HIPK3: variants seen among roughly 807,000 people sequenced by gnomAD.
HIPK3 encodes the protein homeodomain-interacting protein kinase 3.
Under a neutral mutation model 124.2 loss-of-function variants are expected in HIPK3, and 47 were observed. The observed-to-expected ratio is 0.38, with a 90% CI of 0.30 to 0.48. HIPK3 has a LOEUF of 0.48. Among genes scored for constraint, HIPK3 ranks in the 20% least tolerant of loss-of-function variants. The pLI, the probability that HIPK3 is intolerant of heterozygous loss-of-function variation, is 0.98. For synonymous variants in HIPK3, 482 were observed against 515.2 expected (o/e 0.94, Z 0.87); for missense variants, 1,286 against 1,454.3 (o/e 0.88, Z 1.88).
chr11:33,340,276 A>G (rs1188986741), intron 6 of HIPK3, among the ~76,000 whole-genome samples: 2 of 152,166 alleles, frequency 1.3e-5, no homozygotes, highest in South Asian at 2.1e-4. Context: ...GGGTTTCACC[A>G]TGTCACCCAG....
intron 1 of HIPK3, among the ~76,000 whole-genome samples, chr11:33,273,155 T>G (rs1851181267): frequency 6.6e-6 from 1 of 151,942 alleles, no homozygotes; most frequent in African/African-American, 2.4e-5. Flanking sequence ...CATCCTCAGT[T>G]GACAAGATAT....
rs1236819012 is a variant in HIPK3 at position 33,347,907 on chromosome 11, A to G, written c.2200A>G (p.Thr734Ala). 1 of 1,614,190 alleles carries G rather than the reference A, an allele frequency of 6.2e-7. No homozygotes were observed. The highest frequency in any genetic ancestry group is 1.1e-5 in the South Asian group (1 of 91,086). The change falls in exon 11 of 17, where the codon ACC becomes GCC. Residue 734 changes from threonine (T) to alanine (A), a missense_variant. By Grantham distance (58) the Thr-to-Ala change is moderately conservative. Coordinates refer to ENST00000303296, the MANE Select transcript of HIPK3 (RefSeq NM_005734.5). ...YNSVMPQPLL[T>A]NQITLSAPQP... ...CTCAGTGATGCCGCAGCCTCTTCTGACCAATCAGATAACTTTATCTGCCCC... is the reference window on the plus strand; with the variant it reads ...CTCAGTGATGCCGCAGCCTCTTCTGGCCAATCAGATAACTTTATCTGCCCC...
chr11:33,300,043 A>T (rs1334848527), intron 2 of HIPK3, among the ~76,000 whole-genome samples: 1 of 145,654 alleles, frequency 6.9e-6, no homozygotes, highest in Non-Finnish European at 1.5e-5. Flanking sequence ...AAAAAAAAAA[A>T]AGAAAGAAAG....
intron 14 of HIPK3, 127 bp downstream of exon 14, chr11:33,349,414 G>T: frequency 1.4e-6 from 1 of 714,120 alleles, no homozygotes; most frequent in South Asian, 2.2e-5. Flanking sequence ...CACAATTTTT[G>T]AACTAGATCA....
intron 2 of HIPK3, among the ~76,000 whole-genome samples, chr11:33,321,511 G>T (rs2133958365): frequency 6.6e-6 from 1 of 152,338 alleles, no homozygotes; most frequent in East Asian, 1.9e-4. Flanking sequence ...ATGTACTTCA[G>T]TAGGTGAGCA....
intron 2 of HIPK3, among the ~76,000 whole-genome samples, chr11:33,289,246 C>T (rs1323374348): frequency 7.9e-5 from 12 of 151,890 alleles, no homozygotes; most frequent in Non-Finnish European, 1.8e-4. Context: ...TTAAGATCAG[C>T]CTGGGCAACA....
At chr11:33,307,449 A>T (rs1352507582) in intron 2 of HIPK3, among the ~76,000 whole-genome samples, 3 of 141,342 alleles carry the variant, frequency 2.1e-5, no homozygotes, top group East Asian at 4.2e-4. Flanking sequence ...CCCAGGCTGG[A>T]GTGCAGTGGC....
chr11:33,290,366 A>G (rs1851666346), intron 2 of HIPK3, among the ~76,000 whole-genome samples: 1 of 151,812 alleles, frequency 6.6e-6, no homozygotes, highest in Non-Finnish European at 1.5e-5. Context: ...TTTTTTCTGG[A>G]AAAAAATTGT....
chr11:33,342,405 A>G (rs774451836), intron 8 of HIPK3, among the ~76,000 whole-genome samples: 1 of 152,234 alleles, frequency 6.6e-6, no homozygotes, highest in Non-Finnish European at 1.5e-5. Flanking sequence ...CCAAAATATT[A>G]TAGTCTTTAT....
intron 2 of HIPK3, among the ~76,000 whole-genome samples, chr11:33,314,668 A>T (rs1262467282): frequency 6.6e-6 from 1 of 152,198 alleles, no homozygotes; most frequent in Non-Finnish European, 1.5e-5. Flanking sequence ...ACACACACAC[A>T]CAAAAACGAA....
At chr11:33,321,390 G>A (rs890203950) in intron 2 of HIPK3, among the ~76,000 whole-genome samples, 3 of 152,158 alleles carry the variant, frequency 2.0e-5, no homozygotes, top group Non-Finnish European at 4.4e-5. Context: ...ATGGCTGAAG[G>A]AGGATATATA....
intron 2 of HIPK3, among the ~76,000 whole-genome samples, chr11:33,318,775 A>T (rs747235816): frequency 3.6e-4 from 55 of 152,372 alleles, no homozygotes; most frequent in Non-Finnish European, 6.8e-4. Flanking sequence ...TATAACTATT[A>T]GAAAATATAA....
At chr11:33,311,643 T>G (rs2133943834) in intron 2 of HIPK3, among the ~76,000 whole-genome samples, 1 of 152,300 alleles carries the variant, frequency 6.6e-6, no homozygotes, top group South Asian at 2.1e-4. Context: ...TTAGGATTGA[T>G]AAACCTCCAT....
At chr11:33,300,021 CAAAAAAAAAA>C (rs58435948) in intron 2 of HIPK3, among the ~76,000 whole-genome samples, 2 of 95,152 alleles carry the variant, frequency 2.1e-5, no homozygotes, top group African/African-American at 4.2e-5. Context: ...GACCCTGTCT[CAAAAAAAAAA>C]AAAAAAAAAA....
chr11:33,271,202 G>T (rs191490691), intron 1 of HIPK3, among the ~76,000 whole-genome samples: 2 of 152,132 alleles, frequency 1.3e-5, no homozygotes, highest in East Asian at 3.9e-4. Context: ...AAATGTTTTG[G>T]CGTATTTCAT....
At chr11:33,327,357 A>G (rs1040809149) in intron 2 of HIPK3, among the ~76,000 whole-genome samples, 1 of 152,214 alleles carries the variant, frequency 6.6e-6, no homozygotes, top group Non-Finnish European at 1.5e-5. Flanking sequence ...CGTTTCTTCA[A>G]ATATCTGTCC....
At chr11:33,310,278 ATCTT>A (rs1272079184) in intron 2 of HIPK3, among the ~76,000 whole-genome samples, 1 of 51,612 alleles carries the variant, frequency 1.9e-5, no homozygotes, top group Non-Finnish European at 4.5e-5. Context: ...CTGTCTGTCT[ATCTT>A]ATCTATCTAT....
chr11:33,319,044 A>G (rs897841285), intron 2 of HIPK3, among the ~76,000 whole-genome samples: 3 of 152,214 alleles, frequency 2.0e-5, no homozygotes, highest in African/African-American at 7.2e-5. Context: ...TGTGTGACAA[A>G]CAATTCCAAA....
At chr11:33,349,091 T>TTTGG in intron 13 of HIPK3, 56 bp from the exon 14 acceptor site, 1 of 1,534,238 alleles carries the variant, frequency 6.5e-7, no homozygotes, top group Non-Finnish European at 8.9e-7. Flanking sequence ...ATTTTGGCTA[T>TTTGG]TTGGAGAGTA....
Sources: allele counts gnomAD v4.1 joint callset (sites outside exome capture counted in the v4.1 genomes callset), GRCh38; gene constraint gnomAD v4.1.1; transcripts MANE v1.5; gene names NCBI Gene and HGNC (gene_info 2026-07-23, HGNC 2026-07-21).